Variants in PIK3C2G observed in about 807,000 individuals in gnomAD.
PIK3C2G encodes the protein phosphatidylinositol 3-kinase C2 domain-containing subunit gamma.
A neutral mutation model predicts 181.1 loss-of-function variants in PIK3C2G; 168 were observed. The ratio of observed to expected loss-of-function variants is 0.93; its 90% CI spans 0.82 to 1.05. The LOEUF (loss-of-function observed/expected upper bound fraction) is 1.05. Ranked by LOEUF, PIK3C2G falls within the 50% of genes least tolerant of loss-of-function variation. PIK3C2G has a pLI of 0.00. For synonymous variants in PIK3C2G, 573 were observed against 592.2 expected (o/e 0.97, Z 0.47); for missense variants, 1,869 against 1,732.8 (o/e 1.08, Z -1.40).
chr12:18,619,991 T>A (rs1278090402), intron 31 of PIK3C2G, among the ~76,000 whole-genome samples: 2 of 152,188 alleles, frequency 1.3e-5, no homozygotes, highest in Non-Finnish European at 2.9e-5. Flanking sequence ...CCCAAAGTGC[T>A]GGGATTACAG....
the PIK3C2G span, among the ~76,000 whole-genome samples, chr12:18,655,007 G>C: frequency 7.9e-5 from 12 of 151,688 alleles, no homozygotes; most frequent in African/African-American, 2.9e-4. Flanking sequence ...TGAATAAAAA[G>C]TTATAAACCC....
chr12:18,444,476 C>A (rs1261742173), intron 18 of PIK3C2G, among the ~76,000 whole-genome samples: 1 of 152,084 alleles, frequency 6.6e-6, no homozygotes, highest in South Asian at 2.1e-4. Context: ...ATCAGGCAGA[C>A]CACAAACTTA....
At position 18,360,144 on chromosome 12, in the gene PIK3C2G, G is replaced by GT. The variant is rs202167188; in HGVS notation, c.1626-2614dup. 2.3e-3 allele frequency among the ~76,000 whole-genome samples: 345 copies of GT among 150,844 alleles called. 4 individuals are homozygous for GT. The highest frequency in any genetic ancestry group is 7.6e-3 in the African/African-American group (311 of 41,128). On this transcript the variant is annotated intron_variant, in intron 11 of 32. Coordinates refer to ENST00000538779, the MANE Select transcript of PIK3C2G (RefSeq NM_001288772.2). ...ATGATATGTTTTGATTTTTTTTCTT[G>GT]TTTTTTGTGTATCTTCCATAAGTTT...
At chr12:18,253,419 T>C (rs1394652038) in intron 1 of PIK3C2G, among the ~76,000 whole-genome samples, 3 of 152,144 alleles carry the variant, frequency 2.0e-5, no homozygotes, top group Non-Finnish European at 2.9e-5. Flanking sequence ...AGCAAAGGTA[T>C]GTGAATAAAA....
intron 1 of PIK3C2G, among the ~76,000 whole-genome samples, chr12:18,272,665 A>G (rs1424722584): frequency 1.3e-5 from 2 of 151,858 alleles, no homozygotes; most frequent in Non-Finnish European, 2.9e-5. Flanking sequence ...TTCATTGTGC[A>G]TGAATGTGTG....
chr12:18,700,249 T>A, the PIK3C2G span, among the ~76,000 whole-genome samples: 3 of 152,006 alleles, frequency 2.0e-5, no homozygotes, highest in African/African-American at 7.2e-5. Flanking sequence ...ATTTTATAAT[T>A]TTAGGAATTT....
chr12:18,633,255 C>T (rs997091537), intron 31 of PIK3C2G, among the ~76,000 whole-genome samples: 1 of 151,852 alleles, frequency 6.6e-6, no homozygotes, highest in Non-Finnish European at 1.5e-5. Context: ...TAACAAATAA[C>T]GTAACAAATA....
At chr12:18,683,168 A>C in the PIK3C2G span, 2 of 1,307,132 alleles carry the variant, frequency 1.5e-6, no homozygotes, top group Non-Finnish European at 2.2e-6. Context: ...TAAAAAAGAA[A>C]ACATAAAGAC....
intron 18 of PIK3C2G, among the ~76,000 whole-genome samples, chr12:18,471,943 T>G (rs1274334520): frequency 6.6e-6 from 1 of 152,126 alleles, no homozygotes; most frequent in African/African-American, 2.4e-5. Context: ...TCATAATAGA[T>G]TCCATTTATA....
At chr12:18,689,988 C>A in the PIK3C2G span, among the ~76,000 whole-genome samples, 27 of 152,144 alleles carry the variant, frequency 1.8e-4, no homozygotes, top group Non-Finnish European at 1.9e-4. Context: ...CTCTCCATGC[C>A]AGTTACACCT....
intron 5 of PIK3C2G, among the ~76,000 whole-genome samples, chr12:18,307,410 TCAGTTCATTTAA>T (rs1224355159): frequency 1.3e-5 from 2 of 151,854 alleles, no homozygotes; most frequent in Non-Finnish European, 2.9e-5. Context: ...TCACAGACAT[TCAGTTCATTTAA>T]CAGCTGAAGT....
chr12:18,309,837 C>G (rs1044728919), intron 5 of PIK3C2G, among the ~76,000 whole-genome samples: 1 of 151,836 alleles, frequency 6.6e-6, no homozygotes, highest in African/African-American at 2.4e-5. Flanking sequence ...AACTACTTCT[C>G]TAGCATAATA....
At position 18,648,119 on chromosome 12, in the gene PIK3C2G, G is replaced by A; in HGVS notation, c.*91G>A. ...ATCACATAAGTAAGGCATCTTTGTTGTCAAAGACAGCACAGGGTATTAAGG... is the reference window on the plus strand; with the variant it reads ...ATCACATAAGTAAGGCATCTTTGTTATCAAAGACAGCACAGGGTATTAAGG... On this transcript the variant is annotated 3_prime_UTR_variant, in exon 33 of 33. Transcript: ENST00000538779. 1 of 695,118 alleles carries A rather than the reference G, an allele frequency of 1.4e-6. No individual in the cohort carries two copies. The highest frequency in any genetic ancestry group is 2.2e-6 in the Non-Finnish European group (1 of 446,332). The allele number at this position is 695,118 out of a possible 1,614,324, so 43.1% of individuals were successfully genotyped here.
intron 18 of PIK3C2G, among the ~76,000 whole-genome samples, chr12:18,448,683 T>C (rs1023223381): frequency 6.6e-6 from 1 of 152,086 alleles, no homozygotes; most frequent in East Asian, 1.9e-4. Flanking sequence ...TTTAAGTTTA[T>C]CCATGTTGTA....
At chr12:18,644,131 G>T (rs1949991897) in intron 32 of PIK3C2G, among the ~76,000 whole-genome samples, 1 of 152,098 alleles carries the variant, frequency 6.6e-6, no homozygotes, top group Non-Finnish European at 1.5e-5. Flanking sequence ...GCAGGGCCAA[G>T]CTTGTCTATT....
chr12:18,310,112 G>A (rs1950578646), intron 5 of PIK3C2G, among the ~76,000 whole-genome samples: 1 of 151,864 alleles, frequency 6.6e-6, no homozygotes, highest in Non-Finnish European at 1.5e-5. Context: ...TGAATTCAAT[G>A]TAGAGGAAAC....
intron 18 of PIK3C2G, among the ~76,000 whole-genome samples, chr12:18,448,847 A>G (rs1947175271): frequency 6.6e-6 from 1 of 151,614 alleles, no homozygotes; most frequent in Non-Finnish European, 1.5e-5. Context: ...TGGTGGAGAT[A>G]TATCTCCACC....
intron 31 of PIK3C2G, among the ~76,000 whole-genome samples, chr12:18,628,807 T>C (rs2136709290): frequency 6.6e-6 from 1 of 152,226 alleles, no homozygotes; most frequent in Admixed American, 6.5e-5. Context: ...TTTAATATCT[T>C]ATAATTTATC....
Position 18,462,965 on chromosome 12 carries a change from CT to C in PIK3C2G, c.2505-25480del, listed in dbSNP as rs1295213564. 7.2e-5 allele frequency among the ~76,000 whole-genome samples: 11 copies of C among 152,228 alleles called. No homozygotes were observed. In the East Asian group the frequency reaches 1.9e-3, roughly 27 times the overall value. On this transcript the variant is annotated intron_variant, in intron 18 of 32. Transcript: ENST00000538779. ...TAAGTGCTATAATTTATAAAATGCT[CT>C]TTTCACATAGCATCATTCTTTGAAA...
Sources: allele counts gnomAD v4.1 joint callset (sites outside exome capture counted in the v4.1 genomes callset), GRCh38; gene constraint gnomAD v4.1.1; transcripts MANE v1.5; gene names NCBI Gene and HGNC (gene_info 2026-07-23, HGNC 2026-07-21).